The following GRIA3 variants were observed in gnomAD, a reference collection of about 807,000 sequenced individuals.
GRIA3 encodes glutamate ionotropic receptor AMPA type subunit 3.
GRIA3 carries 3 observed loss-of-function variants against 63.0 expected under a neutral mutation model. The ratio of observed to expected loss-of-function variants is 0.05; its 90% CI spans 0.02 to 0.12. The LOEUF is 0.12. Ranked by LOEUF, GRIA3 falls within the 10% of genes least tolerant of loss-of-function variation. GRIA3 has a pLI of 1.00. For missense variants in GRIA3, 347 were observed against 700.9 expected (o/e 0.50, Z 5.70); for synonymous variants, 274 against 257.9 (o/e 1.06, Z -0.60).
intron 4 of GRIA3, among the ~76,000 whole-genome samples, chrX:123,352,299 C>A (rs1356992994): frequency 8.9e-6 from 1 of 111,987 alleles, no homozygotes; most frequent in Non-Finnish European, 1.9e-5. Context: ...AGGCTGGTCT[C>A]AAACTCCCAA....
intron 3 of GRIA3, among the ~76,000 whole-genome samples, chrX:123,288,905 A>T (rs1337283783): frequency 8.9e-6 from 1 of 111,944 alleles, no homozygotes; most frequent in Non-Finnish European, 1.9e-5. Flanking sequence ...TTGACCCAGC[A>T]ATCGCATTAC....
chrX:123,335,295 AT>A (rs1203698718), intron 4 of GRIA3, among the ~76,000 whole-genome samples: 1 of 111,291 alleles, frequency 9.0e-6, no homozygotes, highest in Non-Finnish European at 1.9e-5. Context: ...AAACGTCTGC[AT>A]TAAAAAGAGT....
At chrX:123,389,358 G>C (rs1205905824) in intron 5 of GRIA3, among the ~76,000 whole-genome samples, 2 of 111,838 alleles carry the variant, frequency 1.8e-5, no homozygotes, top group Admixed American at 1.9e-4. Context: ...CTATCTCTCT[G>C]TTTAGTTGTA....
intron 4 of GRIA3, among the ~76,000 whole-genome samples, chrX:123,332,383 T>C (rs1366854228): frequency 8.9e-6 from 1 of 111,996 alleles, no homozygotes; most frequent in East Asian, 2.8e-4. Flanking sequence ...AATGTATGTG[T>C]ATATATGTGT....
chrX:123,289,226 A>G (rs1364067901), intron 3 of GRIA3, among the ~76,000 whole-genome samples: 1 of 110,249 alleles, frequency 9.1e-6, no homozygotes, highest in Non-Finnish European at 1.9e-5. Context: ...CAATGAGAAC[A>G]CATGGACACA....
At chrX:123,241,764 G>A in intron 2 of GRIA3, among the ~76,000 whole-genome samples, 1 of 111,224 alleles carries the variant, frequency 9.0e-6, no homozygotes, top group African/African-American at 3.3e-5. Context: ...TCATAGACAG[G>A]TGGGATGCAT....
intron 2 of GRIA3, among the ~76,000 whole-genome samples, chrX:123,220,765 A>G (rs1021253000): frequency 2.7e-5 from 3 of 112,132 alleles, no homozygotes; most frequent in South Asian, 3.7e-4. Flanking sequence ...GGATGACACT[A>G]CTTCCTACTT....
chrX:123,397,488 C>T (rs1020682495), intron 6 of GRIA3, among the ~76,000 whole-genome samples: 7 of 112,051 alleles, frequency 6.2e-5, no homozygotes, highest in Non-Finnish European at 1.3e-4. Flanking sequence ...ATTAAGATTG[C>T]TGACAATTTA....
intron 3 of GRIA3, among the ~76,000 whole-genome samples, chrX:123,282,551 G>C (rs961894479): frequency 8.9e-6 from 1 of 112,502 alleles, no homozygotes; most frequent in Non-Finnish European, 1.9e-5. Context: ...CAAAGGCAGC[G>C]TTTCTCATAC....
intron 3 of GRIA3, among the ~76,000 whole-genome samples, chrX:123,293,800 C>T (rs1282504087): frequency 1.8e-5 from 2 of 110,592 alleles, no homozygotes; most frequent in African/African-American, 6.6e-5. Context: ...AAGCACCTCA[C>T]GTACATTAAC....
chrX:123,277,080 C>A (rs1372680391), intron 3 of GRIA3, among the ~76,000 whole-genome samples: 3 of 99,078 alleles, frequency 3.0e-5, no homozygotes, highest in African/African-American at 1.2e-4. Flanking sequence ...AAAGTTTGAA[C>A]TCCTCTGCCT....
chrX:123,432,556 C>T (rs191842473), intron 12 of GRIA3, among the ~76,000 whole-genome samples: 1 of 111,555 alleles, frequency 9.0e-6, no homozygotes, highest in South Asian at 3.7e-4. Flanking sequence ...TGTGCATATA[C>T]CTGTGTGCGT....
chrX:123,362,715 T>TA (rs5903639), intron 5 of GRIA3, among the ~76,000 whole-genome samples: 17,135 of 101,090 alleles, frequency 0.17, 1,211 homozygotes, highest in African/African-American at 0.24. Context: ...AAGCTGTTAG[T>TA]AAAAAAAAAA....
chrX:123,226,074 T>G (rs767920730), intron 2 of GRIA3, among the ~76,000 whole-genome samples: 2 of 111,529 alleles, frequency 1.8e-5, no homozygotes, highest in Non-Finnish European at 3.8e-5. Context: ...ACTTATAGTC[T>G]TTTTCCTTTA....
chrX:123,313,318 T>C (rs1037193826), intron 3 of GRIA3, among the ~76,000 whole-genome samples: 4 of 111,428 alleles, frequency 3.6e-5, no homozygotes, highest in African/African-American at 1.3e-4. Context: ...AAAGAACTTG[T>C]CTTCCGCAAG....
At chrX:123,302,478 C>T (rs978953248) in intron 3 of GRIA3, among the ~76,000 whole-genome samples, 5 of 111,704 alleles carry the variant, frequency 4.5e-5, no homozygotes, top group African/African-American at 1.6e-4. Flanking sequence ...ATCAGATAGA[C>T]ATAGGGTTAC....
intron 7 of GRIA3, 47 bp downstream of exon 7, chrX:123,398,850 A>C (rs377368558): frequency 3.8e-6 from 4 of 1,039,716 alleles, no homozygotes; most frequent in Non-Finnish European, 5.4e-6. Context: ...TTATAAAGAC[A>C]TAAAAAAGAT....
chrX:123,185,508 A>AG lies in GRIA3; in HGVS notation c.110-315dup, dbSNP rs3216834. Among the ~76,000 whole-genome samples, 232 of 40,948 alleles carry AG rather than the reference A, an allele frequency of 5.7e-3. 1 individual carries two copies. The highest frequency in any genetic ancestry group is 0.026 in the South Asian group (15 of 578). 35.6% of individuals were successfully genotyped at this position (40,948 alleles called of 115,157 possible). On this transcript the variant is annotated intron_variant, in intron 1 of 15. Transcript: ENST00000620443. ...AGCTGTGCGGATGGGCGGGGGGCGG[A>AG]GGGGGGGGGCGACTAAAAAAAAAGA...
At chrX:123,255,661 T>C (rs1035646820) in intron 3 of GRIA3, among the ~76,000 whole-genome samples, 6 of 107,026 alleles carry the variant, frequency 5.6e-5, no homozygotes, top group African/African-American at 2.0e-4. Flanking sequence ...ACCATCTATC[T>C]ATTTCTTACC....
Sources: allele counts gnomAD v4.1 joint callset (sites outside exome capture counted in the v4.1 genomes callset), GRCh38; gene constraint gnomAD v4.1.1; transcripts MANE v1.5; gene names NCBI Gene and HGNC (gene_info 2026-07-23, HGNC 2026-07-21).